The following MARK3 variants were observed in gnomAD, a reference collection of about 807,000 sequenced individuals.
MARK3 encodes the protein microtubule affinity regulating kinase 3.
In MARK3, 46 loss-of-function variants were observed where a neutral mutation model predicts 90.1. The ratio of observed to expected loss-of-function variants is 0.51; its 90% CI spans 0.40 to 0.65. MARK3 has a LOEUF of 0.65. Among genes scored for constraint, MARK3 ranks in the 30% least tolerant of loss-of-function variants. The pLI, the probability that MARK3 is intolerant of heterozygous loss-of-function variation, is 0.00. For missense variants in MARK3, 818 were observed against 947.2 expected (o/e 0.86, Z 1.79); for synonymous variants, 321 against 332.6 (o/e 0.97, Z 0.38).
At chr14:103,459,636 A>G (rs1331121172) in intron 6 of MARK3, among the ~76,000 whole-genome samples, 2 of 151,396 alleles carry the variant, frequency 1.3e-5, no homozygotes, top group Admixed American at 6.6e-5. Context: ...AGTAGCTGGG[A>G]TTACAAGTGT....
chr14:103,426,604 T>G (rs1003293368), intron 2 of MARK3, among the ~76,000 whole-genome samples: 1 of 152,224 alleles, frequency 6.6e-6, no homozygotes, highest in Admixed American at 6.5e-5. Context: ...TGGCAAAGCC[T>G]CTCTCCACTT....
intron 12 of MARK3, 106 bp downstream of exon 12, chr14:103,468,292 G>A (rs950000326): frequency 1.6e-6 from 1 of 607,176 alleles, no homozygotes; most frequent in Non-Finnish European, 2.6e-6. Context: ...GTCCTTTCTT[G>A]GCATTGCTTT....
At chr14:103,400,474 G>C (rs2090884211) in intron 1 of MARK3, among the ~76,000 whole-genome samples, 1 of 152,122 alleles carries the variant, frequency 6.6e-6, no homozygotes, top group African/African-American at 2.4e-5. Flanking sequence ...ACATATTCTA[G>C]TTTTCATGGT....
At chr14:103,388,103 G>C (rs1331013415) in intron 1 of MARK3, among the ~76,000 whole-genome samples, 3 of 152,042 alleles carry the variant, frequency 2.0e-5, no homozygotes, top group Admixed American at 2.0e-4. Context: ...GGCTAATTTT[G>C]TATTTTTAGT....
chr14:103,420,588 C>T (rs151173043), intron 2 of MARK3, among the ~76,000 whole-genome samples: 11 of 152,182 alleles, frequency 7.2e-5, no homozygotes, highest in African/African-American at 2.4e-4. Flanking sequence ...TAATTTTAAC[C>T]ATTTTTTAAG....
At chr14:103,450,962 G>C (rs2093132391) in intron 4 of MARK3, among the ~76,000 whole-genome samples, 1 of 117,444 alleles carries the variant, frequency 8.5e-6, no homozygotes, top group African/African-American at 3.2e-5. Context: ...ACAGGGTCTA[G>C]CTCTGTTGTC....
At chr14:103,490,353 T>G (rs1333119036) in intron 14 of MARK3, 1 of 152,132 alleles carries the variant, frequency 6.6e-6, no homozygotes, top group Non-Finnish European at 1.5e-5. Context: ...ATATAACAGC[T>G]AGTTCCTATA....
At chr14:103,451,140 C>T (rs1200767768) in intron 4 of MARK3, among the ~76,000 whole-genome samples, 2 of 151,386 alleles carry the variant, frequency 1.3e-5, no homozygotes, top group Non-Finnish European at 2.9e-5. Flanking sequence ...GCCATGTTGC[C>T]GAGGGTGGTG....
chr14:103,472,634 C>T (rs1173769103), intron 12 of MARK3, among the ~76,000 whole-genome samples: 5 of 119,684 alleles, frequency 4.2e-5, no homozygotes, highest in African/African-American at 9.9e-5. Flanking sequence ...GCCAACAGAG[C>T]GAGGCTCCAT....
chr14:103,459,673 AT>A (rs67953960), intron 6 of MARK3, among the ~76,000 whole-genome samples: 4 of 147,702 alleles, frequency 2.7e-5, no homozygotes, highest in Non-Finnish European at 3.0e-5. Context: ...CTAATTTTTT[AT>A]TTTTTTTTTT....
At chr14:103,494,589 G>GTA (rs1315240435) in intron 15 of MARK3, among the ~76,000 whole-genome samples, 2 of 147,056 alleles carry the variant, frequency 1.4e-5, no homozygotes, top group Admixed American at 1.4e-4. Context: ...TTTATTACAT[G>GTA]TATATAATGG....
chr14:103,458,006 C>T (rs1423497765), intron 6 of MARK3, among the ~76,000 whole-genome samples: 4 of 152,194 alleles, frequency 2.6e-5, no homozygotes, highest in African/African-American at 9.7e-5. Context: ...GAGTCCCAAA[C>T]CCTCTGACCC....
intron 3 of MARK3, among the ~76,000 whole-genome samples, chr14:103,443,559 A>C (rs2092916141): frequency 6.6e-6 from 1 of 152,198 alleles, no homozygotes. Flanking sequence ...GTACTGAGGC[A>C]TTCTCAGGAA....
chr14:103,391,837 C>T (rs188400761), intron 1 of MARK3, among the ~76,000 whole-genome samples: 1 of 150,684 alleles, frequency 6.6e-6, no homozygotes, highest in Non-Finnish European at 1.5e-5. Flanking sequence ...GGATTACAGG[C>T]GTGAGCCACT....
At chr14:103,464,665 T>G (rs974174389) in intron 7 of MARK3, among the ~76,000 whole-genome samples, 1 of 152,150 alleles carries the variant, frequency 6.6e-6, no homozygotes, top group Non-Finnish European at 1.5e-5. Flanking sequence ...TTATAGCTAT[T>G]TAGCCGTTTT....
intron 2 of MARK3, among the ~76,000 whole-genome samples, chr14:103,407,361 T>C (rs937984005): frequency 6.6e-6 from 1 of 152,132 alleles, no homozygotes; most frequent in African/African-American, 2.4e-5. Flanking sequence ...TTCAAGAAGT[T>C]TCTTAATCTC....
chr14:103,486,972 T>C (rs958675358), intron 14 of MARK3, among the ~76,000 whole-genome samples: 6 of 151,938 alleles, frequency 3.9e-5, no homozygotes, highest in African/African-American at 1.2e-4. Context: ...GACTGGAGTT[T>C]AGTGGCATGA....
chr14:103,465,044 T>G (rs2093477165), intron 7 of MARK3, among the ~76,000 whole-genome samples: 2 of 152,206 alleles, frequency 1.3e-5, no homozygotes, highest in Non-Finnish European at 2.9e-5. Context: ...CTTGGCTCAC[T>G]GCAACCTCTG....
chr14:103,405,237 A>T lies in MARK3; in HGVS notation c.213A>T (p.Lys71Asn). Residue 71 changes from lysine (K) to asparagine (N), a missense_variant, in exon 2 of 18, where the codon AAA becomes AAT. By Grantham distance (94) the Lys-to-Asn change is moderately conservative (BLOSUM62 0). This residue lies in a region of MARK3 where 157 missense variants were observed against 158.7 expected (regional missense o/e 0.99). Transcript: ENST00000429436. Reference protein sequence around the residue: ...TIGKGNFAKVKLARHILTGRE... With the variant: ...TIGKGNFAKVNLARHILTGRE... ...GCAAGGGGAATTTTGCAAAAGTAAAATTGGCAAGACATATCCTTACAGGCA... is the reference window on the plus strand; with the variant it reads ...GCAAGGGGAATTTTGCAAAAGTAAATTTGGCAAGACATATCCTTACAGGCA... 1 of 1,569,026 alleles carries T rather than the reference A, an allele frequency of 6.4e-7. No individual in the cohort carries two copies. The highest frequency in any genetic ancestry group is 8.6e-7 in the Non-Finnish European group (1 of 1,159,604).
Sources: allele counts gnomAD v4.1 joint callset (sites outside exome capture counted in the v4.1 genomes callset), GRCh38; gene constraint gnomAD v4.1.1; regional missense constraint gnomAD v4.1.1; transcripts MANE v1.5; gene names NCBI Gene and HGNC (gene_info 2026-07-23, HGNC 2026-07-21).